EML1: variants seen among roughly 807,000 people sequenced by gnomAD.
The protein encoded by EML1 is EMAP like 1.
In EML1, 27 loss-of-function variants were observed where a neutral mutation model predicts 110.4. The observed-to-expected ratio is 0.24, with a 90% CI of 0.18 to 0.34. EML1 has a LOEUF of 0.34. Among genes scored for constraint, EML1 ranks in the 10% least tolerant of loss-of-function variants. The pLI is 1.00. For missense variants in EML1, 741 were observed against 1,030.9 expected, an observed-to-expected ratio of 0.72 and a Z score of 3.85; for synonymous variants, 344 against 385.8, an observed-to-expected ratio of 0.89 and a Z score of 1.27.
At chr14:99,852,031 T>C (rs2058817732) in intron 2 of EML1, among the ~76,000 whole-genome samples, 1 of 152,250 alleles carries the variant, frequency 6.6e-6, no homozygotes, top group Non-Finnish European at 1.5e-5. Context: ...CCTGTGGCTC[T>C]TGGGAATGAG....
intron 3 of EML1, 67 bp downstream of exon 3, chr14:99,865,713 T>C: frequency 6.5e-7 from 1 of 1,536,924 alleles, no homozygotes; most frequent in Non-Finnish European, 8.8e-7. Context: ...AACATGAGTA[T>C]TACTTTTTAA....
intron 1 of EML1, among the ~76,000 whole-genome samples, chr14:99,751,452 A>G (rs544394653): frequency 6.6e-6 from 1 of 152,304 alleles, no homozygotes; most frequent in South Asian, 2.1e-4. Flanking sequence ...GACAAAGATG[A>G]CAGTATGATT....
At chr14:99,808,966 A>C (rs2058027393) in intron 1 of EML1, among the ~76,000 whole-genome samples, 1 of 152,220 alleles carries the variant, frequency 6.6e-6, no homozygotes, top group South Asian at 2.1e-4. Flanking sequence ...GTGCTGAGTA[A>C]CTTAGCCAAG....
In EML1 at chr14:99,836,956, T is replaced by A. The variant is rs187400302; in HGVS notation, c.68-13897T>A. On this transcript the variant is annotated intron_variant, in intron 1 of 21. Transcript: ENST00000262233. The stretch of plus-strand genomic sequence containing the variant: ...GATGGTGTCAGGGTATCAAGAACTA[T>A]TCCCAGCTCTAGGTGAGCTCTGGTA... Among the ~76,000 whole-genome samples the A allele has an allele frequency of 2.8e-4, 43 of 152,028 alleles. No individual in the cohort carries two copies. In the East Asian group the frequency reaches 7.9e-3, roughly 28 times the overall value.
chr14:99,832,926 G>T lies in EML1; in HGVS notation c.68-17927G>T, dbSNP rs550349454. On this transcript the variant is annotated intron_variant, in intron 1 of 21. Coordinates refer to ENST00000262233, the MANE Select transcript of EML1 (RefSeq NM_004434.3). Reference sequence around the variant, plus strand: ...TCAACTTTTATTTTAGATTCAAGGGGTACATGTGTCGGTTCTTACATGGGT... The same window carrying T: ...TCAACTTTTATTTTAGATTCAAGGGTTACATGTGTCGGTTCTTACATGGGT... Among the ~76,000 whole-genome samples, 14 of 152,160 alleles carry T rather than the reference G, an allele frequency of 9.2e-5. No homozygotes were observed. The East Asian group carries it at 2.7e-3, about 29-fold the overall frequency.
rs545723632 is a variant in EML1 at position 99,874,661 on chromosome 14, A to G, written c.384-3824A>G. Among the ~76,000 whole-genome samples, 11 of 152,374 alleles carry G rather than the reference A, an allele frequency of 7.2e-5. No individual in the cohort carries two copies. In the South Asian group the frequency reaches 2.3e-3, roughly 32 times the overall value. The stretch of plus-strand genomic sequence containing the variant: ...TAATTCATAAGAGCCCTTGGTTCTC[A>G]AAAGGAAATGTCTTGTTTTTTATTC... On this transcript the variant is annotated intron_variant, in intron 3 of 21. Transcript: ENST00000262233.
intron 1 of EML1, among the ~76,000 whole-genome samples, chr14:99,751,945 G>C (rs10148112): frequency 0.52 from 79,698 of 151,912 alleles, 22,267 homozygotes; most frequent in Non-Finnish European, 0.61. Context: ...TCCGTTTTAC[G>C]GGCACGTGGC....
chr14:99,828,723 A>G (rs1449532764), intron 1 of EML1, among the ~76,000 whole-genome samples: 1 of 152,218 alleles, frequency 6.6e-6, no homozygotes, highest in Non-Finnish European at 1.5e-5. Flanking sequence ...CAGAAGCCTT[A>G]CCAGTAACAT....
chr14:99,903,896 A>G (rs1014421585), intron 9 of EML1, among the ~76,000 whole-genome samples: 10 of 149,346 alleles, frequency 6.7e-5, no homozygotes, highest in African/African-American at 1.2e-4. Flanking sequence ...CAATTCTCCC[A>G]CCTCACCTCC....
intron 1 of EML1, among the ~76,000 whole-genome samples, chr14:99,748,450 A>G (rs1210988734): frequency 4.0e-5 from 6 of 151,606 alleles, no homozygotes; most frequent in African/African-American, 1.5e-4. Flanking sequence ...TCTCAGTGAC[A>G]CCTTTGTTGA....
chr14:99,808,958 G>T (rs2058027121), intron 1 of EML1, among the ~76,000 whole-genome samples: 1 of 152,162 alleles, frequency 6.6e-6, no homozygotes, highest in Non-Finnish European at 1.5e-5. Context: ...GCTGATGGGT[G>T]CTGAGTAACT....
chr14:99,834,545 A>G (rs565869995), intron 1 of EML1, among the ~76,000 whole-genome samples: 28 of 152,104 alleles, frequency 1.8e-4, no homozygotes, highest in Admixed American at 1.6e-3. Context: ...CAGGTTATGC[A>G]CCCGTGGCCT....
intron 8 of EML1, among the ~76,000 whole-genome samples, chr14:99,900,621 A>G (rs142904656): frequency 2.0e-5 from 3 of 152,324 alleles, no homozygotes; most frequent in African/African-American, 7.2e-5. Flanking sequence ...TCATTTCTAA[A>G]ATTCAGACAC....
chr14:99,888,558 A>G (rs1445197696), intron 4 of EML1, among the ~76,000 whole-genome samples: 2 of 152,106 alleles, frequency 1.3e-5, no homozygotes, highest in African/African-American at 4.8e-5. Flanking sequence ...CTGCCTGTAA[A>G]TTTAATCATA....
chr14:99,852,169 C>G (rs1050657490), intron 2 of EML1, among the ~76,000 whole-genome samples: 31 of 152,314 alleles, frequency 2.0e-4, no homozygotes, highest in African/African-American at 7.0e-4. Flanking sequence ...TAGCTGGCGC[C>G]CTCATGTCTA....
intron 15 of EML1, among the ~76,000 whole-genome samples, chr14:99,916,925 T>G (rs2060043426): frequency 6.6e-6 from 1 of 152,220 alleles, no homozygotes; most frequent in Non-Finnish European, 1.5e-5. Context: ...TTCATGGATC[T>G]CTTTCATGGA....
intron 1 of EML1, among the ~76,000 whole-genome samples, chr14:99,757,293 C>T (rs1218336552): frequency 6.6e-6 from 1 of 150,960 alleles, no homozygotes; most frequent in African/African-American, 2.4e-5. Context: ...GAGCGAAGAT[C>T]GCGCCATTGC....
chr14:99,853,438 T>G (rs989064951), intron 2 of EML1, among the ~76,000 whole-genome samples: 1 of 151,678 alleles, frequency 6.6e-6, no homozygotes, highest in Non-Finnish European at 1.5e-5. Flanking sequence ...GCAGCTGCCC[T>G]GGCTGTGCTC....
At chr14:99,893,816 C>T (rs1003903322) in intron 5 of EML1, among the ~76,000 whole-genome samples, 1 of 152,168 alleles carries the variant, frequency 6.6e-6, no homozygotes, top group Non-Finnish European at 1.5e-5. Context: ...TCACCAGGAG[C>T]GGAGCTCACA....
Sources: gnomAD v4.1 joint callset for allele counts (sites outside exome capture counted in the v4.1 genomes callset) on GRCh38, gnomAD v4.1.1 for gene constraint, MANE v1.5 for transcripts, NCBI Gene and HGNC (gene_info 2026-07-23, HGNC 2026-07-21) for gene names.